The following ANKFN1 variants were observed in gnomAD, a reference collection of about 807,000 sequenced individuals.
ANKFN1 encodes the protein ankyrin repeat and fibronectin type-III domain-containing protein 1.
ANKFN1 carries 74 observed loss-of-function variants against 108.7 expected under a neutral mutation model. The observed-to-expected ratio is 0.68, with a 90% confidence interval of 0.56 to 0.83. The LOEUF is 0.83. ANKFN1 is among the 40% of genes least tolerant of loss of function. The probability of loss-of-function intolerance (pLI) is 0.00; values close to 1 mark genes in which losing one functional copy is unlikely to be tolerated. For missense variants in ANKFN1, 1,505 were observed against 1,382.3 expected (o/e 1.09, Z -1.41); for synonymous variants, 547 against 516.2 (o/e 1.06, Z -0.81).
intron 4 of ANKFN1, among the ~76,000 whole-genome samples, chr17:56,134,598 A>T (rs1907484984): frequency 6.6e-6 from 1 of 152,170 alleles, no homozygotes; most frequent in Non-Finnish European, 1.5e-5. Context: ...TTCTCCTAGC[A>T]TCCCTATTGT....
Position 56,417,090 on chromosome 17 carries a change from G to A in ANKFN1, c.911-23237G>A, listed in dbSNP as rs140174244. On this transcript the variant is annotated intron_variant, in intron 8 of 20. Transcript: ENST00000682825. ...GTAGTGGGAGGTTGGGGGGAATAGT[G>A]GGGGTGGTTAATGGGTACAAAATAA... 2.7e-3 allele frequency among the ~76,000 whole-genome samples: 411 copies of A among 152,114 alleles called. 1 individual carries two copies. Among genetic ancestry groups the A allele is most frequent in the African/African-American group, 9.3e-3 (384 of 41,490 alleles).
chr17:56,339,096 G>T (rs964037081), intron 4 of ANKFN1, among the ~76,000 whole-genome samples: 2 of 151,846 alleles, frequency 1.3e-5, no homozygotes, highest in Non-Finnish European at 2.9e-5. Flanking sequence ...CTGAAAATTA[G>T]TTTTTTTACT....
At chr17:56,399,843 T>TTATATATATATATATATATATATA in intron 8 of ANKFN1, among the ~76,000 whole-genome samples, 1 of 64,762 alleles carries the variant, frequency 1.5e-5, no homozygotes, top group African/African-American at 3.0e-5. Context: ...ATTCCATTTT[T>TTATATATATATATATATATATATA]TATATATATA....
intron 1 of ANKFN1, among the ~76,000 whole-genome samples, chr17:56,183,745 GTA>G (rs1911912363): frequency 2.0e-5 from 3 of 152,108 alleles, no homozygotes; most frequent in Non-Finnish European, 2.9e-5. Context: ...CCAGTCTCAG[GTA>G]TATCTTTGTA....
chr17:56,430,728 A>G (rs182646982), intron 8 of ANKFN1, among the ~76,000 whole-genome samples: 3 of 152,366 alleles, frequency 2.0e-5, no homozygotes, highest in East Asian at 1.9e-4. Context: ...GCTATGGCAT[A>G]TGCTAGCTGC....
At chr17:56,451,446 A>T (rs1045929926) in intron 11 of ANKFN1, among the ~76,000 whole-genome samples, 1 of 152,086 alleles carries the variant, frequency 6.6e-6, no homozygotes, top group Non-Finnish European at 1.5e-5. Context: ...AGAATTACAA[A>T]TTTTTTTTAT....
At chr17:56,209,467 T>C (rs1234018614) in intron 1 of ANKFN1, among the ~76,000 whole-genome samples, 1 of 152,198 alleles carries the variant, frequency 6.6e-6, no homozygotes, top group Non-Finnish European at 1.5e-5. Flanking sequence ...ATTACCCTAG[T>C]GTCAAAGAGA....
chr17:56,331,606 C>T (rs1598416038), intron 4 of ANKFN1, among the ~76,000 whole-genome samples: 1 of 152,090 alleles, frequency 6.6e-6, no homozygotes, highest in South Asian at 2.1e-4. Context: ...ATAATAATAG[C>T]AGAGTTGTTG....
chr17:56,272,038 A>G (rs931419200), intron 3 of ANKFN1, among the ~76,000 whole-genome samples: 2 of 152,196 alleles, frequency 1.3e-5, no homozygotes, highest in African/African-American at 4.8e-5. Flanking sequence ...AGCCCAGAAA[A>G]CATGGTTTTG....
intron 4 of ANKFN1, among the ~76,000 whole-genome samples, chr17:56,127,603 C>T (rs149597653): frequency 0.024 from 3,657 of 152,134 alleles, 132 homozygotes; most frequent in African/African-American, 0.083. Flanking sequence ...TGTGAGCCAC[C>T]GCACCCGGCC....
intron 11 of ANKFN1, among the ~76,000 whole-genome samples, chr17:56,455,206 T>C (rs1332772553): frequency 6.6e-6 from 1 of 152,100 alleles, no homozygotes; most frequent in Non-Finnish European, 1.5e-5. Context: ...TCCTTTCCCA[T>C]CTCTTTGTCT....
At chr17:56,221,487 G>C (rs1418940107) in intron 2 of ANKFN1, among the ~76,000 whole-genome samples, 1 of 152,134 alleles carries the variant, frequency 6.6e-6, no homozygotes, top group Non-Finnish European at 1.5e-5. Flanking sequence ...CTTATACGAT[G>C]TACAAGAAAT....
chr17:56,260,402 G>A (rs978882309), intron 3 of ANKFN1, among the ~76,000 whole-genome samples: 1 of 151,832 alleles, frequency 6.6e-6, no homozygotes, highest in African/African-American at 2.4e-5. Context: ...TTAAAAATCG[G>A]TGGTGGTGGT....
At chr17:56,074,553 G>A (rs923625218) in intron 4 of ANKFN1, among the ~76,000 whole-genome samples, 3 of 152,170 alleles carry the variant, frequency 2.0e-5, no homozygotes, top group African/African-American at 7.2e-5. Flanking sequence ...AGCTGGTGAG[G>A]GATTTCATAG....
chr17:56,406,321 C>T (rs1464230164), intron 8 of ANKFN1, among the ~76,000 whole-genome samples: 4 of 151,928 alleles, frequency 2.6e-5, no homozygotes, highest in African/African-American at 9.7e-5. Flanking sequence ...CAGGAGAAAA[C>T]AATACAGTAA....
At chr17:56,298,215 C>T (rs1488698484) in intron 3 of ANKFN1, among the ~76,000 whole-genome samples, 2 of 152,162 alleles carry the variant, frequency 1.3e-5, no homozygotes, top group Non-Finnish European at 2.9e-5. Context: ...AAAATACATA[C>T]ATATGGAAGA....
intron 18 of ANKFN1, among the ~76,000 whole-genome samples, chr17:56,483,122 T>C (rs965872840): frequency 3.3e-5 from 5 of 152,208 alleles, no homozygotes; most frequent in African/African-American, 1.2e-4. Context: ...ATATTGTGAT[T>C]ATAATGTGGG....
At chr17:56,104,651 G>A (rs914433369) in intron 4 of ANKFN1, among the ~76,000 whole-genome samples, 8 of 152,232 alleles carry the variant, frequency 5.3e-5, no homozygotes, top group African/African-American at 1.9e-4. Flanking sequence ...TGGAGGCTCA[G>A]GTGATTTGCA....
chr17:56,463,663 T>TA (rs2049985131), intron 14 of ANKFN1, among the ~76,000 whole-genome samples: 1 of 152,180 alleles, frequency 6.6e-6, no homozygotes. Context: ...CCCAAAACAG[T>TA]AAAAATCTGA....
Sources: gnomAD v4.1 joint callset for allele counts (sites outside exome capture counted in the v4.1 genomes callset) on GRCh38, gnomAD v4.1.1 for gene constraint, MANE v1.5 for transcripts, NCBI Gene and HGNC (gene_info 2026-07-23, HGNC 2026-07-21) for gene names.